The following NKAIN3 variants were observed in gnomAD, a reference collection of about 807,000 sequenced individuals.
The protein encoded by NKAIN3 is sodium/potassium transporting ATPase interacting 3, also known as sodium/potassium-transporting ATPase subunit beta-1-interacting protein 3.
Under a neutral mutation model 30.2 loss-of-function variants are expected in NKAIN3, and 25 were observed. The observed-to-expected ratio is 0.83, with a 90% CI of 0.60 to 1.16. The LOEUF (loss-of-function observed/expected upper bound fraction) is 1.16, where lower values mean the gene tolerates loss of function less well. Among genes scored for constraint, NKAIN3 ranks in the 50% most tolerant of loss-of-function variants. The pLI is 0.00. For synonymous variants in NKAIN3, 91 were observed against 89.6 expected (o/e 1.02, Z -0.09); for missense variants, 225 against 254.1 (o/e 0.89, Z 0.78).
chr8:62,906,397 T>A (rs1170154707), intron 4 of NKAIN3, among the ~76,000 whole-genome samples: 1 of 152,190 alleles, frequency 6.6e-6, no homozygotes. Context: ...CACAGAGCAG[T>A]GTGTCAGTCT....
chr8:62,706,041 GT>G (rs2130480412), intron 3 of NKAIN3, among the ~76,000 whole-genome samples: 1 of 152,244 alleles, frequency 6.6e-6, no homozygotes, highest in African/African-American at 2.4e-5. Flanking sequence ...GTTGACCTGT[GT>G]GAGTATTTTA....
chr8:62,616,189 G>A (rs1281455747), intron 3 of NKAIN3, among the ~76,000 whole-genome samples: 3 of 151,948 alleles, frequency 2.0e-5, no homozygotes, highest in African/African-American at 7.3e-5. Context: ...CCAAATGGAG[G>A]TCCAACAACT....
chr8:62,693,941 A>G (rs1814067581), intron 3 of NKAIN3, among the ~76,000 whole-genome samples: 1 of 152,202 alleles, frequency 6.6e-6, no homozygotes, highest in African/African-American at 2.4e-5. Flanking sequence ...TTAATCATAA[A>G]AGATTGAATT....
chr8:62,343,984 G>A (rs1815839670), intron 1 of NKAIN3, among the ~76,000 whole-genome samples: 1 of 152,022 alleles, frequency 6.6e-6, no homozygotes, highest in South Asian at 2.1e-4. Context: ...AAAAGTTAAT[G>A]TTATTAACAT....
intron 4 of NKAIN3, among the ~76,000 whole-genome samples, chr8:62,785,813 CT>C (rs1156370020): frequency 6.6e-6 from 1 of 151,932 alleles, no homozygotes. Flanking sequence ...TAAAATTAAG[CT>C]GGAAAATGAC....
intron 4 of NKAIN3, among the ~76,000 whole-genome samples, chr8:62,777,111 G>A (rs561630852): frequency 6.6e-6 from 1 of 152,220 alleles, no homozygotes; most frequent in African/African-American, 2.4e-5. Context: ...TTCTTTTGCT[G>A]CTTTTAGAAA....
At chr8:62,927,254 T>C (rs1326599863) in intron 5 of NKAIN3, among the ~76,000 whole-genome samples, 1 of 152,210 alleles carries the variant, frequency 6.6e-6, no homozygotes, top group Non-Finnish European at 1.5e-5. Context: ...AGGGACTTCC[T>C]AATTGTCAAG....
chr8:62,645,014 C>T (rs1034025041), intron 3 of NKAIN3, among the ~76,000 whole-genome samples: 3 of 152,108 alleles, frequency 2.0e-5, no homozygotes, highest in African/African-American at 7.2e-5. Flanking sequence ...GCAAATATTA[C>T]TTGTTGGAAA....
chr8:62,728,867 A>G (rs1212400825), intron 3 of NKAIN3, among the ~76,000 whole-genome samples: 15 of 140,764 alleles, frequency 1.1e-4, no homozygotes, highest in East Asian at 2.2e-4. Flanking sequence ...GCGGGCGCCT[A>G]TAGTCCCAGC....
At position 62,965,948 on chromosome 8, in the gene NKAIN3, G is replaced by A; in HGVS notation, c.*541G>A. 2 of 984,724 alleles carry A rather than the reference G, an allele frequency of 2.0e-6. No homozygotes were observed. The highest frequency in any genetic ancestry group is 2.4e-6 in the Non-Finnish European group (2 of 829,356). 61.0% of individuals were successfully genotyped at this position (984,724 alleles called of 1,614,324 possible). Reference sequence around the variant, plus strand: ...TTTCAACAGCATAAAACAAAACATGGAGTCCTCCTTTGTTCCTGACTTCTT... The same window carrying A: ...TTTCAACAGCATAAAACAAAACATGAAGTCCTCCTTTGTTCCTGACTTCTT... On this transcript the variant is annotated 3_prime_UTR_variant, in exon 7 of 7. Coordinates refer to ENST00000623646, the MANE Select transcript of NKAIN3 (RefSeq NM_001304533.3).
At chr8:62,816,210 A>G (rs529155191) in intron 4 of NKAIN3, among the ~76,000 whole-genome samples, 14 of 152,218 alleles carry the variant, frequency 9.2e-5, no homozygotes, top group African/African-American at 2.6e-4. Flanking sequence ...GATGTGTCCT[A>G]TGGAGTTGAT....
intron 5 of NKAIN3, among the ~76,000 whole-genome samples, chr8:62,940,179 A>G (rs957877082): frequency 2.0e-5 from 3 of 151,906 alleles, no homozygotes; most frequent in Non-Finnish European, 4.4e-5. Flanking sequence ...AAGGGACATT[A>G]TATTATGATA....
At chr8:62,808,259 G>A (rs1441444220) in intron 4 of NKAIN3, among the ~76,000 whole-genome samples, 2 of 152,126 alleles carry the variant, frequency 1.3e-5, no homozygotes, top group African/African-American at 2.4e-5. Context: ...ACATGCTTTA[G>A]TAGTTGTTTC....
chr8:62,833,287 A>G (rs763652462), intron 4 of NKAIN3, among the ~76,000 whole-genome samples: 2 of 151,836 alleles, frequency 1.3e-5, no homozygotes, highest in Admixed American at 6.6e-5. Context: ...ACAAGAACAA[A>G]ATAACCCCAA....
At position 62,976,757 on chromosome 8, in the gene NKAIN3, G is replaced by C. The variant is rs553839836; in HGVS notation, c.*11350G>C. ...TAGCTGGTTATTTTGCCCATTAGTT[G>C]ATGCAGCTTCTTCATAGTGTCGATG... On this transcript the variant is annotated 3_prime_UTR_variant, in exon 7 of 7. Coordinates refer to ENST00000623646, the MANE Select transcript of NKAIN3 (RefSeq NM_001304533.3). Among the ~76,000 whole-genome samples, 1 of 152,306 alleles carries C rather than the reference G, an allele frequency of 6.6e-6. No homozygotes were observed. Among genetic ancestry groups the C allele is most frequent in the South Asian group, 2.1e-4 (1 of 4,832 alleles).
At chr8:62,903,861 A>G (rs1029021910) in intron 4 of NKAIN3, among the ~76,000 whole-genome samples, 11 of 152,072 alleles carry the variant, frequency 7.2e-5, no homozygotes, top group Admixed American at 1.3e-4. Context: ...GTCCCTGATA[A>G]AACCACAAGA....
chr8:62,842,863 C>T (rs1819573497), intron 4 of NKAIN3, among the ~76,000 whole-genome samples: 1 of 151,904 alleles, frequency 6.6e-6, no homozygotes, highest in Admixed American at 6.6e-5. Flanking sequence ...AAAATAAACT[C>T]AAAATGATTA....
At chr8:62,272,507 T>C (rs976487317) in intron 1 of NKAIN3, among the ~76,000 whole-genome samples, 2 of 152,192 alleles carry the variant, frequency 1.3e-5, no homozygotes, top group African/African-American at 4.8e-5. Flanking sequence ...TCTCAAGTAA[T>C]TGGCGACTTT....
intron 4 of NKAIN3, among the ~76,000 whole-genome samples, chr8:62,771,497 A>C (rs1817009801): frequency 6.6e-6 from 1 of 152,242 alleles, no homozygotes; most frequent in South Asian, 2.1e-4. Context: ...TAATAATTAA[A>C]GAACAAATAA....
Sources: allele counts gnomAD v4.1 joint callset (sites outside exome capture counted in the v4.1 genomes callset), GRCh38; gene constraint gnomAD v4.1.1; transcripts MANE v1.5; gene names NCBI Gene and HGNC (gene_info 2026-07-23, HGNC 2026-07-21).